TM4SF4: variants seen among roughly 807,000 people sequenced by gnomAD.
TM4SF4 encodes transmembrane 4 L six family member 4.
Under a neutral mutation model 24.1 loss-of-function variants are expected in TM4SF4, and 24 were observed. The observed-to-expected ratio is 1.00, with a 90% CI of 0.72 to 1.40. TM4SF4 has a LOEUF of 1.40. Among genes scored for constraint, TM4SF4 ranks in the 40% most tolerant of loss-of-function variants. The pLI is 0.00. For missense variants in TM4SF4, 254 were observed against 254.2 expected (o/e 1.00, Z 0.01); for synonymous variants, 113 against 97.0 (o/e 1.17, Z -0.97).
intron 2 of TM4SF4, 49 bp from the exon 3 acceptor site, chr3:149,487,569 AT>A: frequency 6.2e-7 from 1 of 1,610,158 alleles, no homozygotes; most frequent in Non-Finnish European, 8.5e-7. Context: ...TGTTGAGTGT[AT>A]CCTCTGGACC....
In TM4SF4 at chr3:149,475,048, C is replaced by G; in HGVS notation, c.171C>G (p.Val57=). 6.3e-7 allele frequency: 1 copy of G among 1,587,460 alleles called. No homozygotes were observed. Among genetic ancestry groups the G allele is most frequent in the Non-Finnish European group, 8.6e-7 (1 of 1,165,560 alleles). Residue 57 remains valine (V), a synonymous_variant, in exon 1 of 5, where the codon GTC becomes GTG. Coordinates refer to ENST00000305354, the MANE Select transcript of TM4SF4 (RefSeq NM_004617.4). ...TCGGAGGAATATTAGGAAGCGGTGT[C>G]TTGGTGAGTAGGGAAGCTTAAAATC... ...WFFGGILGSG[V]LMIFPALVFL...
intron 4 of TM4SF4, among the ~76,000 whole-genome samples, chr3:149,500,405 C>A (rs1734396259): frequency 6.6e-6 from 1 of 151,710 alleles, no homozygotes; most frequent in Non-Finnish European, 1.5e-5. Context: ...AAATAAGTCC[C>A]CCAAATCAGC....
chr3:149,493,257 A>G (rs1028688501), intron 3 of TM4SF4, among the ~76,000 whole-genome samples: 1 of 152,256 alleles, frequency 6.6e-6, no homozygotes, highest in Non-Finnish European at 1.5e-5. Flanking sequence ...GGCTCAAAAA[A>G]AACCTCTTTA....
At chr3:149,476,407 C>T (rs1318336428) in intron 2 of TM4SF4, among the ~76,000 whole-genome samples, 2 of 152,250 alleles carry the variant, frequency 1.3e-5, no homozygotes, top group East Asian at 1.9e-4. Flanking sequence ...GGCCCAGCGC[C>T]TCTGGCTTCC....
chr3:149,475,384 A>C (rs570778985), intron 1 of TM4SF4, among the ~76,000 whole-genome samples: 1 of 152,286 alleles, frequency 6.6e-6, no homozygotes, highest in East Asian at 1.9e-4. Context: ...CCACGATGCA[A>C]ACCCACTAGA....
At chr3:149,495,622 C>G (rs77613188) in intron 3 of TM4SF4, 10,976 of 334,504 alleles carry the variant, frequency 0.033, 245 homozygotes, top group Middle Eastern at 0.054. Context: ...AATGACCCAC[C>G]AATGGGAGCA....
At chr3:149,490,869 A>G (rs987633598) in intron 3 of TM4SF4, among the ~76,000 whole-genome samples, 36 of 152,112 alleles carry the variant, frequency 2.4e-4, no homozygotes, top group African/African-American at 8.7e-4. Flanking sequence ...CCTTATTACC[A>G]AAGGGCAGCC....
chr3:149,475,300 C>T (rs1733908314), intron 1 of TM4SF4, among the ~76,000 whole-genome samples: 1 of 152,144 alleles, frequency 6.6e-6, no homozygotes. Context: ...ATTTGAGTCC[C>T]ATGAACCGAA....
At chr3:149,502,259 G>A (rs569128454) in intron 4 of TM4SF4, among the ~76,000 whole-genome samples, 120 of 152,024 alleles carry the variant, frequency 7.9e-4, no homozygotes, top group Non-Finnish European at 1.5e-3. Flanking sequence ...AATAAATGAT[G>A]CATATTGTAT....
At chr3:149,487,844 T>C in intron 3 of TM4SF4, 89 bp downstream of exon 3, 4 of 1,538,364 alleles carry the variant, frequency 2.6e-6, no homozygotes, top group Non-Finnish European at 3.5e-6. Flanking sequence ...CAATGCCATG[T>C]CTTCATCCTT....
chr3:149,487,834 C>A, intron 3 of TM4SF4, 79 bp downstream of exon 3: 1 of 1,560,692 alleles, frequency 6.4e-7, no homozygotes, highest in Non-Finnish European at 8.8e-7. Context: ...AGACTGCACA[C>A]AATGCCATGT....
chr3:149,488,005 A>G (rs34783865), intron 3 of TM4SF4, among the ~76,000 whole-genome samples: 44,254 of 152,184 alleles, frequency 0.29, 6,980 homozygotes, highest in Non-Finnish European at 0.36. Flanking sequence ...GCCTGAGGGA[A>G]GGAAGAGATT....
intron 4 of TM4SF4, among the ~76,000 whole-genome samples, chr3:149,500,775 G>A (rs1734404017): frequency 6.6e-6 from 1 of 152,134 alleles, no homozygotes; most frequent in Non-Finnish European, 1.5e-5. Context: ...GGGAGGCCAA[G>A]GCAAGAAGAT....
intron 3 of TM4SF4, among the ~76,000 whole-genome samples, 198 bp from the exon 4 acceptor site, chr3:149,498,524 A>T (rs11720325): frequency 0.28 from 43,344 of 152,126 alleles, 6,578 homozygotes; most frequent in Middle Eastern, 0.35. Context: ...AGTGATTAGA[A>T]CAGGGTCTGG....
At chr3:149,493,037 C>T (rs1734241792) in intron 3 of TM4SF4, among the ~76,000 whole-genome samples, 1 of 152,186 alleles carries the variant, frequency 6.6e-6, no homozygotes, top group South Asian at 2.1e-4. Context: ...GCAACATCCA[C>T]CTCACAGGTT....
intron 2 of TM4SF4, among the ~76,000 whole-genome samples, chr3:149,482,063 G>A (rs1445616906): frequency 5.3e-5 from 8 of 152,192 alleles, no homozygotes; most frequent in Admixed American, 5.2e-4. Context: ...TATCAGTGAG[G>A]CACTGGGGAT....
At chr3:149,491,965 C>A (rs937790151) in intron 3 of TM4SF4, among the ~76,000 whole-genome samples, 2 of 152,134 alleles carry the variant, frequency 1.3e-5, no homozygotes, top group Admixed American at 6.5e-5. Flanking sequence ...GGCAGCCAGA[C>A]CTTCAGGACA....
rs545490392 is a variant in TM4SF4 at position 149,478,335 on chromosome 3, C to T, written c.264+2423C>T. Among the ~76,000 whole-genome samples the T allele has an allele frequency of 3.9e-5, 6 of 152,220 alleles. No homozygotes were observed. The South Asian group carries it at 1.2e-3, about 32-fold the overall frequency. On this transcript the variant is annotated intron_variant, in intron 2 of 4. Transcript: ENST00000305354. ...TAATTTTGTATTTTTAGTAGAGATG[C>T]TGTTTCTCCATGTTAGCCAGGCTGG...
At chr3:149,497,634 G>C (rs1734333638) in intron 3 of TM4SF4, among the ~76,000 whole-genome samples, 1 of 152,056 alleles carries the variant, frequency 6.6e-6, no homozygotes, top group Admixed American at 6.6e-5. Flanking sequence ...TATCCTTCAA[G>C]GCACAATGCC....
Sources: gnomAD v4.1 joint callset for allele counts (sites outside exome capture counted in the v4.1 genomes callset) on GRCh38, gnomAD v4.1.1 for gene constraint, MANE v1.5 for transcripts, NCBI Gene and HGNC (gene_info 2026-07-23, HGNC 2026-07-21) for gene names.